Variants in CTDSP1 observed in about 807,000 individuals in gnomAD.
CTDSP1 encodes the protein carboxy-terminal domain RNA polymerase II polypeptide A small phosphatase 1.
A neutral mutation model predicts 32.5 loss-of-function variants in CTDSP1; 15 were observed. That is an observed-to-expected ratio of 0.46 (90% CI 0.31 to 0.71). CTDSP1 has a LOEUF of 0.71. CTDSP1 is among the 30% of genes least tolerant of loss of function. The pLI, the probability that CTDSP1 is intolerant of heterozygous loss-of-function variation, is 0.05. For synonymous variants in CTDSP1, 185 were observed against 145.4 expected, an observed-to-expected ratio of 1.27 and a Z score of -1.96; for missense variants, 294 against 351.1, an observed-to-expected ratio of 0.84 and a Z score of 1.30.
Position 218,403,236 on chromosome 2 carries a change from CAG to C in CTDSP1, c.478_479del (p.Asp160ProfsTer4), listed in dbSNP as rs770995590. 6.2e-7 allele frequency: 1 copy of C among 1,612,188 alleles called. No homozygotes were observed. The highest frequency in any genetic ancestry group is 8.5e-7 in the Non-Finnish European group (1 of 1,178,764). On this transcript the variant is annotated frameshift_variant, in exon 6 of 7. Transcript: ENST00000273062. LOFTEE classifies it high-confidence loss of function. ...TGACCCACCTCCTGCTCCCAGTACG[CAG>C]ACCCAGTAGCTGACCTGCTGGACAA...
chr2:218,396,941 G>C (rs1460300259), upstream of CTDSP1: 1 of 152,400 alleles, frequency 6.6e-6, no homozygotes. Flanking sequence ...AAGTCCCTGT[G>C]GCAGGATGCG....
chr2:218,398,307 G>C, upstream of CTDSP1: 1 of 1,029,854 alleles, frequency 9.7e-7, no homozygotes. Context: ...CTGTGAAATG[G>C]GTTAAGAAGG....
At position 218,401,648 on chromosome 2, in the gene CTDSP1, G is replaced by C. The variant is rs1455941412; in HGVS notation, c.152G>C (p.Gly51Ala). 2.5e-6 allele frequency: 4 copies of C among 1,612,576 alleles called. No homozygotes were observed. Among genetic ancestry groups the C allele is most frequent in the East Asian group, 2.2e-5 (1 of 44,864 alleles). ...TTCTGCTGTGTCTGCCGGGATGATG[G>C]GGAGGCCCTGCCTGCTCACAGCGGG... ...SLFCCVCRDD[G>A]EALPAHSGAP... is the part of the protein sequence containing the mutation. The change falls in exon 2 of 7, where the codon GGG becomes GCG. Residue 51 changes from glycine (G) to alanine (A), a missense_variant. By Grantham distance (60) the Gly-to-Ala change is moderately conservative (BLOSUM62 0). Around this residue, in one of 2 missense-constraint regions of CTDSP1, gnomAD observed 148 missense variants for 113.3 expected, o/e 1.31. Coordinates refer to ENST00000273062, the MANE Select transcript of CTDSP1 (RefSeq NM_021198.3).
chr2:218,401,672 G>A lies in CTDSP1; in HGVS notation c.176G>A (p.Gly59Glu). The A allele has an allele frequency of 6.2e-7, 1 of 1,604,632 alleles. No individual in the cohort carries two copies. The highest frequency in any genetic ancestry group is 2.2e-5 in the East Asian group (1 of 44,740). The change falls in exon 2 of 7, where the codon GGG becomes GAG. Residue 59 changes from glycine to glutamate, a missense_variant. Transcript: ENST00000273062. Reference sequence around the variant, plus strand: ...GGGGAGGCCCTGCCTGCTCACAGCGGGGCGCCCCTGCTTGTGGAGGAGAAT... The same window carrying A: ...GGGGAGGCCCTGCCTGCTCACAGCGAGGCGCCCCTGCTTGTGGAGGAGAAT... ...DDGEALPAHS[G>E]APLLVEENGA...
upstream of CTDSP1, chr2:218,398,423 C>T: frequency 2.0e-6 from 3 of 1,535,128 alleles, no homozygotes; most frequent in East Asian, 2.5e-5. Flanking sequence ...ATGGTGGCCG[C>T]CCCGTGGGCT....
At chr2:218,400,818 C>T (rs1697090724) in intron 1 of CTDSP1, 2 of 454,982 alleles carry the variant, frequency 4.4e-6, no homozygotes, top group Non-Finnish European at 8.9e-6. Flanking sequence ...CTGCGTCCCC[C>T]AGCGTGGCTG....
At chr2:218,400,509 C>T (rs948194951) in intron 1 of CTDSP1, 1 of 406,898 alleles carries the variant, frequency 2.5e-6, no homozygotes, top group Non-Finnish European at 4.7e-6. Context: ...GAGGAGGGCG[C>T]CTATGGGCCA....
chr2:218,401,441 G>A (rs1266854075), intron 1 of CTDSP1, 123 bp from the exon 2 acceptor site: 9 of 1,123,908 alleles, frequency 8.0e-6, no homozygotes, highest in Admixed American at 2.3e-5. Flanking sequence ...AGCTGCCTTC[G>A]TGTGTCTGGA....
chr2:218,398,480 G>T (rs1479811342), upstream of CTDSP1: 15 of 1,524,052 alleles, frequency 9.8e-6, no homozygotes, highest in East Asian at 1.0e-4. Flanking sequence ...GGGGACCGGG[G>T]TATCAGTCCC....
chr2:218,404,974 G>A lies in CTDSP1; in HGVS notation c.*549G>A, dbSNP rs1162946604. On this transcript the variant is annotated 3_prime_UTR_variant, in exon 7 of 7. Coordinates refer to ENST00000273062, the MANE Select transcript of CTDSP1 (RefSeq NM_021198.3). The stretch of plus-strand genomic sequence containing the variant: ...CTTTGCCTCTGCCTTGGAGGGAGGG[G>A]AGGTCTGTTACCACTGGGGAAGGCA... 6.5e-6 allele frequency: 1 copy of A among 153,552 alleles called. No homozygotes were observed. Among genetic ancestry groups the A allele is most frequent in the Non-Finnish European group, 1.5e-5 (1 of 68,722 alleles). 9.5% of individuals were successfully genotyped at this position (153,552 alleles called of 1,614,324 possible). A position where few individuals can be genotyped will look rare whatever the true frequency, so the allele number is the denominator to read the frequency against.
chr2:218,404,622 C>T lies in CTDSP1; in HGVS notation c.*197C>T, dbSNP rs889626520. ...TGCACTGAGGACCGTGAGCTCCAGGCCCCGTGTCAGTGCCTTCAAACCTCC... is the reference window on the plus strand; with the variant it reads ...TGCACTGAGGACCGTGAGCTCCAGGTCCCGTGTCAGTGCCTTCAAACCTCC... On this transcript the variant is annotated 3_prime_UTR_variant, in exon 7 of 7. Transcript: ENST00000273062. 1.3e-5 allele frequency: 8 copies of T among 607,382 alleles called. No homozygotes were observed. The highest frequency in any genetic ancestry group is 4.5e-4 in the Middle Eastern group (1 of 2,246). The allele number at this position is 607,382 out of a possible 1,614,324, so 37.6% of individuals were successfully genotyped here.
At chr2:218,397,922 A>T (rs1696904317), upstream of CTDSP1, among the ~76,000 whole-genome samples, 1 of 152,204 alleles carries the variant, frequency 6.6e-6, no homozygotes, top group Non-Finnish European at 1.5e-5. Flanking sequence ...TGCACGGGCA[A>T]CGGCTTGAAG....
upstream of CTDSP1, chr2:218,398,525 G>A (rs1315605288): frequency 3.8e-6 from 5 of 1,330,548 alleles, no homozygotes; most frequent in African/African-American, 1.5e-5. Flanking sequence ...CCCAGCCTCA[G>A]CGCACGAAGC....
chr2:218,397,807 C>T (rs1696896685), upstream of CTDSP1, among the ~76,000 whole-genome samples: 2 of 152,152 alleles, frequency 1.3e-5, no homozygotes, highest in South Asian at 4.1e-4. Context: ...TAACTACCCG[C>T]CCCAGGCGTG....
chr2:218,398,362 C>T (rs1696928936), upstream of CTDSP1: 1 of 1,499,190 alleles, frequency 6.7e-7, no homozygotes, highest in African/African-American at 1.4e-5. Context: ...GCAGCCAGAG[C>T]AGGCCTAGGA....
upstream of CTDSP1, chr2:218,398,467 C>T (rs1696933638): frequency 1.3e-6 from 2 of 1,529,760 alleles, no homozygotes; most frequent in Non-Finnish European, 1.7e-6. Flanking sequence ...AGGGATCCAG[C>T]CCGGGGACCG....
rs1218654160 is a variant in CTDSP1, at chr2:218,400,053, G to A, written c.-38G>A. On this transcript the variant is annotated 5_prime_UTR_variant, in exon 1 of 7. Transcript: ENST00000273062. ...CAGCCGGGGGGGAGGCCGGGCGCCC[G>A]GGCCAGAGTCCGGCCGGAGCGGAGC... is the stretch of plus-strand genomic sequence containing the variant. 4.2e-6 allele frequency: 5 copies of A among 1,181,992 alleles called. No homozygotes were observed. The highest frequency in any genetic ancestry group is 7.1e-4 in the Middle Eastern group (2 of 2,830). 73.2% of individuals were successfully genotyped at this position (1,181,992 alleles called of 1,614,324 possible).
At chr2:218,402,279 G>A in intron 3 of CTDSP1, 64 bp downstream of exon 3, 8 of 1,611,320 alleles carry the variant, frequency 5.0e-6, no homozygotes, top group Non-Finnish European at 6.8e-6. Flanking sequence ...TGGCCTGGGA[G>A]GGAGGTGTGT....
chr2:218,400,244 G>A, intron 1 of CTDSP1, 87 bp downstream of exon 1: 2 of 1,270,382 alleles, frequency 1.6e-6, no homozygotes, highest in African/African-American at 1.5e-5. Context: ...AGCCGCCGCC[G>A]CCGCCCCGGG....
Sources: allele counts gnomAD v4.1 joint callset (sites outside exome capture counted in the v4.1 genomes callset), GRCh38; gene constraint gnomAD v4.1.1; regional missense constraint gnomAD v4.1.1; transcripts MANE v1.5; gene names NCBI Gene and HGNC (gene_info 2026-07-23, HGNC 2026-07-21).